The following ANKS1B variants were observed in gnomAD, a reference collection of about 807,000 sequenced individuals.
ANKS1B encodes the protein ankyrin repeat and sterile alpha motif domain-containing protein 1B.
Under a neutral mutation model 148.3 loss-of-function variants are expected in ANKS1B, and 36 were observed. The ratio of observed to expected loss-of-function variants is 0.24; its 90% confidence interval spans 0.19 to 0.32. The LOEUF is 0.32. Among genes scored for constraint, ANKS1B ranks in the 10% least tolerant of loss-of-function variants. The pLI is 1.00. For synonymous variants in ANKS1B, 542 were observed against 560.8 expected (o/e 0.97, Z 0.47); for missense variants, 1,157 against 1,542.6 (o/e 0.75, Z 4.19).
intron 15 of ANKS1B, among the ~76,000 whole-genome samples, chr12:99,115,323 C>CA (rs1232528660): frequency 6.6e-6 from 1 of 152,132 alleles, no homozygotes; most frequent in Non-Finnish European, 1.5e-5. Flanking sequence ...TTTGTGGGAA[C>CA]ATGATGGAGC....
At chr12:99,544,523 T>C (rs2097155390) in intron 9 of ANKS1B, among the ~76,000 whole-genome samples, 1 of 152,206 alleles carries the variant, frequency 6.6e-6, no homozygotes, top group South Asian at 2.1e-4. Context: ...ATGTCCTGTG[T>C]AAAAGATCTA....
chr12:99,886,080 TA>T (rs2092809351), intron 1 of ANKS1B, among the ~76,000 whole-genome samples: 1 of 152,242 alleles, frequency 6.6e-6, no homozygotes, highest in Admixed American at 6.5e-5. Flanking sequence ...CAAGCACATG[TA>T]TTTTTTTTAT....
intron 9 of ANKS1B, among the ~76,000 whole-genome samples, chr12:99,512,096 C>G (rs1407420134): frequency 6.6e-6 from 1 of 152,030 alleles, no homozygotes; most frequent in East Asian, 1.9e-4. Flanking sequence ...TTCTACACAG[C>G]AAAAGAAACT....
chr12:98,757,349 C>G (rs2098274884), intron 25 of ANKS1B, among the ~76,000 whole-genome samples: 1 of 152,240 alleles, frequency 6.6e-6, no homozygotes, highest in Non-Finnish European at 1.5e-5. Flanking sequence ...CAGCCCAGAT[C>G]CCTGACTTAC....
rs191918474 is a variant in ANKS1B at position 98,892,724 on chromosome 12, T to A, written c.2779-60588A>T. On this transcript the variant is annotated intron_variant, in intron 17 of 26. Transcript: ENST00000683438. ...AGTTATCCCAAAATATCATATTAAA[T>A]AATACACCATGCTGTATCTATATTT... Among the ~76,000 whole-genome samples, 354 of 152,344 alleles carry A rather than the reference T, an allele frequency of 2.3e-3. 2 individuals carry two copies. Among genetic ancestry groups the A allele is most frequent in the African/African-American group, 8.3e-3 (343 of 41,574 alleles).
At chr12:99,654,715 AAT>A (rs1166023448) in intron 9 of ANKS1B, among the ~76,000 whole-genome samples, 2 of 152,144 alleles carry the variant, frequency 1.3e-5, no homozygotes, top group African/African-American at 4.8e-5. Flanking sequence ...AAACAGCCAT[AAT>A]ATGTTTCCTT....
chr12:99,936,522 C>T (rs951850232), intron 1 of ANKS1B, among the ~76,000 whole-genome samples: 9 of 152,088 alleles, frequency 5.9e-5, no homozygotes, highest in African/African-American at 2.2e-4. Flanking sequence ...AGAAACCTCC[C>T]ATATTTGGTA....
At chr12:99,514,366 T>C (rs371394748) in intron 9 of ANKS1B, among the ~76,000 whole-genome samples, 11 of 152,164 alleles carry the variant, frequency 7.2e-5, no homozygotes, top group African/African-American at 1.9e-4. Context: ...TCTGAAACAA[T>C]GTCATCCAAA....
intron 9 of ANKS1B, among the ~76,000 whole-genome samples, chr12:99,632,512 G>A (rs996606865): frequency 2.0e-5 from 3 of 151,580 alleles, no homozygotes; most frequent in African/African-American, 7.3e-5. Context: ...CCTAGTCGAG[G>A]AGAGCTGAAG....
intron 11 of ANKS1B, among the ~76,000 whole-genome samples, chr12:99,423,210 A>T (rs2095148126): frequency 6.6e-6 from 1 of 152,206 alleles, no homozygotes; most frequent in Admixed American, 6.5e-5. Flanking sequence ...ATGAATTTAT[A>T]ACATTAAAAT....
chr12:99,528,752 T>G (rs1051039907), intron 9 of ANKS1B, among the ~76,000 whole-genome samples: 1 of 150,214 alleles, frequency 6.7e-6, no homozygotes, highest in African/African-American at 2.4e-5. Flanking sequence ...TACTGATATG[T>G]TAAGCTAAAA....
intron 14 of ANKS1B, among the ~76,000 whole-genome samples, chr12:99,159,231 A>C (rs567111877): frequency 2.6e-5 from 4 of 152,032 alleles, no homozygotes; most frequent in African/African-American, 9.7e-5. Context: ...GTTTGTTTTC[A>C]ATTTTTGTTT....
chr12:98,954,989 T>C (rs893791392), intron 17 of ANKS1B, among the ~76,000 whole-genome samples: 5 of 151,766 alleles, frequency 3.3e-5, no homozygotes, highest in African/African-American at 4.8e-5. Flanking sequence ...TGTTGAGTGA[T>C]TGAGATCAAA....
chr12:99,710,725 T>A lies in ANKS1B; in HGVS notation c.1129-55515A>T, dbSNP rs1302186001. Among the ~76,000 whole-genome samples, 5 of 152,226 alleles carry A rather than the reference T, an allele frequency of 3.3e-5. 1 individual carries two copies. The highest frequency in any genetic ancestry group is 3.3e-4 in the Admixed American group (5 of 15,270). ...GCTGAAAATACAATGAAAGTAAGAA[T>A]TGCTTCCCAAAGTTCCTGTTTGCAT... On this transcript the variant is annotated intron_variant, in intron 8 of 26. Transcript: ENST00000683438.
intron 12 of ANKS1B, among the ~76,000 whole-genome samples, chr12:99,373,036 A>G (rs1208797766): frequency 1.3e-5 from 2 of 152,202 alleles, no homozygotes; most frequent in Non-Finnish European, 2.9e-5. Flanking sequence ...AGTTTGAGGT[A>G]CCATGAAATA....
At chr12:99,700,314 C>A (rs957588019) in intron 8 of ANKS1B, among the ~76,000 whole-genome samples, 1 of 152,114 alleles carries the variant, frequency 6.6e-6, no homozygotes, top group Non-Finnish European at 1.5e-5. Flanking sequence ...TCTCCCCATA[C>A]CCATAGGGGT....
chr12:99,902,929 G>T lies in ANKS1B; in HGVS notation c.135-77540C>A, dbSNP rs2093650411. On this transcript the variant is annotated intron_variant, in intron 1 of 26. Transcript: ENST00000683438. ...CCACGCCCGGCTAATTGTTGTTGTT[G>T]TTGTTGCTGTTGTTGTTTTTAGAGA... Among the ~76,000 whole-genome samples the T allele has an allele frequency of 4.0e-5, 6 of 151,412 alleles. No individual in the cohort carries two copies. In the South Asian group the frequency reaches 1.3e-3, roughly 32 times the overall value.
At chr12:99,889,067 T>C (rs1269985389) in intron 1 of ANKS1B, among the ~76,000 whole-genome samples, 1 of 152,126 alleles carries the variant, frequency 6.6e-6, no homozygotes, top group African/African-American at 2.4e-5. Flanking sequence ...TATAATTATG[T>C]GCAAGAATTA....
rs954184382 is a variant in ANKS1B at position 98,751,068 on chromosome 12, G to C, written c.3747+287C>G. Among the ~76,000 whole-genome samples, 8 of 152,228 alleles carry C rather than the reference G, an allele frequency of 5.3e-5. No homozygotes were observed. Among genetic ancestry groups the C allele is most frequent in the Non-Finnish European group, 1.2e-4 (8 of 68,038 alleles). ...CAAGCTTTCCTGAATCTTTAGGTAA[G>C]ATTCACCAAGAACAGCAGTACCTGC... On this transcript the variant is annotated intron_variant, in intron 26 of 26. Transcript: ENST00000683438. This position sits in a 1 kb window ranked among gnomAD's most constrained non-coding sequence, Gnocchi z 4.3.
Sources: allele counts gnomAD v4.1 joint callset (sites outside exome capture counted in the v4.1 genomes callset), GRCh38; gene constraint gnomAD v4.1.1; non-coding constraint Gnocchi (gnomAD v3.1); transcripts MANE v1.5; gene names NCBI Gene and HGNC (gene_info 2026-07-23, HGNC 2026-07-21).